The following CSMD1 variants were observed in gnomAD, a reference collection of about 807,000 sequenced individuals.
CSMD1 encodes CUB and sushi domain-containing protein 1.
Under a neutral mutation model 417.5 loss-of-function variants are expected in CSMD1, and 213 were observed. The ratio of observed to expected loss-of-function variants is 0.51; its 90% confidence interval spans 0.46 to 0.57. The LOEUF is 0.57. Ranked by LOEUF, CSMD1 falls within the 20% of genes least tolerant of loss-of-function variation. CSMD1 has a pLI of 0.00. For synonymous variants in CSMD1, 2,862 were observed against 1,736.8 expected (o/e 1.65, Z -16.11); for missense variants, 6,923 against 4,529.7 (o/e 1.53, Z -15.17).
intron 2 of CSMD1, among the ~76,000 whole-genome samples, chr8:4,560,656 G>C (rs1274888812): frequency 2.0e-5 from 3 of 152,164 alleles, no homozygotes; most frequent in Non-Finnish European, 4.4e-5. Context: ...CAAGACTTCT[G>C]AATAAAACAA....
chr8:4,664,553 C>T (rs553030819), intron 1 of CSMD1, among the ~76,000 whole-genome samples: 3 of 152,016 alleles, frequency 2.0e-5, no homozygotes, highest in Middle Eastern at 6.8e-3. Context: ...ACAGCAAGAG[C>T]GTGTCTTGAA....
intron 23 of CSMD1, among the ~76,000 whole-genome samples, chr8:3,335,288 C>T (rs979569985): frequency 6.6e-6 from 1 of 152,178 alleles, no homozygotes; most frequent in African/African-American, 2.4e-5. Context: ...GATGACCGTG[C>T]CATGAAGAGC....
chr8:4,231,768 C>T (rs1032480970), intron 3 of CSMD1, among the ~76,000 whole-genome samples: 2 of 152,152 alleles, frequency 1.3e-5, no homozygotes, highest in Admixed American at 1.3e-4. Context: ...GTTGGCCATG[C>T]CACAGCCTCA....
intron 2 of CSMD1, among the ~76,000 whole-genome samples, chr8:4,436,817 G>A (rs1798174602): frequency 6.6e-6 from 1 of 152,144 alleles, no homozygotes; most frequent in Admixed American, 6.5e-5. Context: ...ATGATCTCCA[G>A]CTCTAGCCAT....
intron 7 of CSMD1, among the ~76,000 whole-genome samples, chr8:3,626,682 A>G (rs1014285200): frequency 4.0e-5 from 6 of 151,442 alleles, no homozygotes; most frequent in African/African-American, 7.3e-5. Flanking sequence ...GTACATTCCA[A>G]TACAGTAAAT....
chr8:3,281,080 G>C (rs1160048937), intron 26 of CSMD1, among the ~76,000 whole-genome samples: 2 of 152,162 alleles, frequency 1.3e-5, no homozygotes, highest in African/African-American at 4.8e-5. Flanking sequence ...CCTGCACACA[G>C]ATGTTTAGAG....
chr8:3,988,694 C>T (rs755533732), intron 5 of CSMD1, among the ~76,000 whole-genome samples: 22 of 152,200 alleles, frequency 1.4e-4, no homozygotes, highest in Non-Finnish European at 2.6e-4. Context: ...AAGTGATATA[C>T]AGGATCTAAA....
intron 18 of CSMD1, among the ~76,000 whole-genome samples, chr8:3,382,496 T>A (rs900598997): frequency 3.5e-5 from 2 of 56,370 alleles, no homozygotes; most frequent in African/African-American, 1.2e-4. Context: ...TAATTAGTTA[T>A]GTATATAAAT....
intron 3 of CSMD1, among the ~76,000 whole-genome samples, chr8:4,243,851 A>C (rs189092211): frequency 6.6e-6 from 1 of 152,264 alleles, no homozygotes; most frequent in Non-Finnish European, 1.5e-5. Flanking sequence ...CAGAGTAGGG[A>C]CTGTGTTATT....
intron 63 of CSMD1, among the ~76,000 whole-genome samples, chr8:2,956,179 T>A (rs1802996409): frequency 6.6e-6 from 1 of 152,082 alleles, no homozygotes; most frequent in Admixed American, 6.5e-5. Flanking sequence ...TAGAGACTGG[T>A]GAATATTTAG....
intron 3 of CSMD1, among the ~76,000 whole-genome samples, chr8:4,311,972 A>G (rs1371557946): frequency 2.0e-5 from 3 of 152,116 alleles, no homozygotes; most frequent in African/African-American, 7.2e-5. Flanking sequence ...CTTAGAAAAC[A>G]AAATAAAAAT....
intron 30 of CSMD1, among the ~76,000 whole-genome samples, chr8:3,208,220 C>A (rs546815500): frequency 6.6e-6 from 1 of 152,192 alleles, no homozygotes; most frequent in South Asian, 2.1e-4. Flanking sequence ...AAAGTGGAAA[C>A]GTCATCACTG....
chr8:4,415,677 G>A (rs1796894765), intron 3 of CSMD1, among the ~76,000 whole-genome samples: 1 of 152,108 alleles, frequency 6.6e-6, no homozygotes, highest in Admixed American at 6.6e-5. Flanking sequence ...TGTGTCTCTG[G>A]TAGAGGCCCC....
chr8:4,777,265 G>A (rs1029178778), intron 1 of CSMD1, among the ~76,000 whole-genome samples: 1 of 152,216 alleles, frequency 6.6e-6, no homozygotes, highest in East Asian at 1.9e-4. Context: ...GCAAGGCAGT[G>A]CGAGAAACAA....
At chr8:4,924,504 C>T (rs994435260) in intron 1 of CSMD1, among the ~76,000 whole-genome samples, 2 of 152,104 alleles carry the variant, frequency 1.3e-5, no homozygotes, top group African/African-American at 4.8e-5. Context: ...GGGTAGATCA[C>T]CTGAGGTCAG....
intron 3 of CSMD1, among the ~76,000 whole-genome samples, chr8:4,380,229 C>G (rs746974737): frequency 5.3e-5 from 8 of 152,122 alleles, no homozygotes; most frequent in Non-Finnish European, 2.9e-5. Context: ...AAAAGGACAC[C>G]AGAGTAACCT....
chr8:3,774,529 G>C (rs962196517), intron 5 of CSMD1, among the ~76,000 whole-genome samples: 4 of 152,244 alleles, frequency 2.6e-5, no homozygotes, highest in African/African-American at 4.8e-5. Flanking sequence ...ACATGAATTG[G>C]TATTAATCTT....
chr8:2,948,417 A>G (rs900352281), intron 68 of CSMD1, among the ~76,000 whole-genome samples: 1 of 152,116 alleles, frequency 6.6e-6, no homozygotes, highest in Admixed American at 6.6e-5. Context: ...TTTAATCACT[A>G]AGGCAAAAAT....
intron 10 of CSMD1, among the ~76,000 whole-genome samples, chr8:3,556,200 G>A (rs1436203893): frequency 6.6e-6 from 1 of 151,526 alleles, no homozygotes; most frequent in Non-Finnish European, 1.5e-5. Context: ...TAATTATGAA[G>A]ACTTTTGTTT....
Sources: allele counts gnomAD v4.1 joint callset (sites outside exome capture counted in the v4.1 genomes callset), GRCh38; gene constraint gnomAD v4.1.1; transcripts MANE v1.5; gene names NCBI Gene and HGNC (gene_info 2026-07-23, HGNC 2026-07-21).